Variants in SHTN1 observed in about 807,000 individuals in gnomAD.
SHTN1 encodes shootin 1, also known as shootin-1.
SHTN1 carries 42 observed loss-of-function variants against 83.1 expected under a neutral mutation model. The ratio of observed to expected loss-of-function variants is 0.51; its 90% CI spans 0.39 to 0.65. SHTN1 has a LOEUF of 0.65. SHTN1 is among the 30% of genes least tolerant of loss of function. The pLI is 0.00. For synonymous variants in SHTN1, 224 were observed against 247.7 expected (o/e 0.90, Z 0.90); for missense variants, 622 against 737.8 (o/e 0.84, Z 1.82).
upstream of SHTN1, among the ~76,000 whole-genome samples, chr10:117,006,932 GCTTTCT>G (rs1852025475): frequency 6.6e-6 from 1 of 151,934 alleles, no homozygotes; most frequent in South Asian, 2.1e-4. Context: ...TGGTAGCACT[GCTTTCT>G]CTTTCTCTAA....
In SHTN1 at chr10:116,881,570, G is replaced by C. The variant is rs1354406975; in HGVS notation, c.*4774C>G. The C allele has an allele frequency of 7.1e-6, 11 of 1,550,124 alleles. No individual in the cohort carries two copies. The highest frequency in any genetic ancestry group is 9.6e-6 in the Non-Finnish European group (11 of 1,146,874). ...TTAATGAGGAAGCTGAAAAGGCTGC[G>C]GAGGCACTTGAGGCTGCTGCGGCTA... On this transcript the variant is annotated 3_prime_UTR_variant, in exon 17 of 17. Coordinates refer to ENST00000355371, the MANE Select transcript of SHTN1 (RefSeq NM_001127211.3).
chr10:116,930,271 C>A (rs1226219253), intron 9 of SHTN1, among the ~76,000 whole-genome samples: 1 of 152,060 alleles, frequency 6.6e-6, no homozygotes, highest in Non-Finnish European at 1.5e-5. Context: ...GGTACATGTG[C>A]ATGGTTGTTA....
chr10:117,118,725 G>T, intron 1 of SHTN1, among the ~76,000 whole-genome samples: 1 of 152,154 alleles, frequency 6.6e-6, no homozygotes, highest in East Asian at 1.9e-4. Context: ...GGAGCTGAAT[G>T]ATGAGAACAC....
chr10:116,992,403 T>C (rs1157370029), intron 1 of SHTN1, among the ~76,000 whole-genome samples: 3 of 152,196 alleles, frequency 2.0e-5, no homozygotes, highest in African/African-American at 7.2e-5. Flanking sequence ...CTAAAAGCAA[T>C]TCAAAGCCCA....
At chr10:116,985,986 T>C (rs1157991006) in intron 1 of SHTN1, among the ~76,000 whole-genome samples, 2 of 152,218 alleles carry the variant, frequency 1.3e-5, no homozygotes, top group Non-Finnish European at 2.9e-5. Flanking sequence ...ACAGATTTCA[T>C]ATCCTGAAAA....
At chr10:116,936,098 A>T (rs1475578778) in intron 9 of SHTN1, among the ~76,000 whole-genome samples, 1 of 151,778 alleles carries the variant, frequency 6.6e-6, no homozygotes, top group Non-Finnish European at 1.5e-5. Flanking sequence ...CTATTTTGTT[A>T]ATCTTTTCAA....
At chr10:116,983,684 ATAAATACATACATAC>A (rs1851123513) in intron 1 of SHTN1, among the ~76,000 whole-genome samples, 91 of 83,382 alleles carry the variant, frequency 1.1e-3, no homozygotes, top group South Asian at 3.4e-3. Flanking sequence ...AGATAGATAG[ATAAATACATACATAC>A]ATACATACAT....
At position 116,940,592 on chromosome 10, in the gene SHTN1, C is replaced by T; in HGVS notation, c.732G>A (p.Lys244=). Residue 244 remains lysine, a synonymous_variant, in exon 9 of 17, where the codon AAG becomes AAA. Coordinates refer to ENST00000355371, the MANE Select transcript of SHTN1 (RefSeq NM_001127211.3). ...GCAGAAGGTGGCTTTGTCTCTTTAG[C>T]TTGTTTTGCTCAATGAACATCTGCA... The part of the protein sequence containing the change: ...FAQEMFIEQN[K]LKRQSHLLLQ... 1 of 1,608,850 alleles carries T rather than the reference C, an allele frequency of 6.2e-7. No individual in the cohort carries two copies. Among genetic ancestry groups the T allele is most frequent in the Middle Eastern group, 1.7e-4 (1 of 6,032 alleles).
At chr10:116,956,666 C>A (rs1219189530) in intron 4 of SHTN1, among the ~76,000 whole-genome samples, 1 of 152,132 alleles carries the variant, frequency 6.6e-6, no homozygotes, top group Non-Finnish European at 1.5e-5. Context: ...TAATATATTA[C>A]TTCTTAGACA....
intron 1 of SHTN1, among the ~76,000 whole-genome samples, chr10:117,083,751 C>T (rs1853307139): frequency 6.6e-6 from 1 of 151,722 alleles, no homozygotes; most frequent in South Asian, 2.1e-4. Flanking sequence ...ATTCTTTTTT[C>T]TCTAAACTTT....
intron 2 of SHTN1, among the ~76,000 whole-genome samples, chr10:116,975,647 TAA>T (rs548784731): frequency 1.5e-5 from 2 of 135,924 alleles, no homozygotes; most frequent in African/African-American, 2.7e-5. Flanking sequence ...AAGTCACTGA[TAA>T]AAAAAAAAAA....
In SHTN1 at chr10:116,884,396, TGAGA is replaced by T; in HGVS notation, c.*1944_*1947del. On this transcript the variant is annotated 3_prime_UTR_variant, in exon 17 of 17. Coordinates refer to ENST00000355371, the MANE Select transcript of SHTN1 (RefSeq NM_001127211.3). Reference sequence around the variant, plus strand: ...AATTTAAAATGCTTTGTAATCACAGTGAGAGAAAGTAAGCAGCTTAAAAAAGGCA... The same window carrying T: ...AATTTAAAATGCTTTGTAATCACAGTGAAAGTAAGCAGCTTAAAAAAGGCA... 1 of 391,508 alleles carries T rather than the reference TGAGA, an allele frequency of 2.6e-6. No homozygotes were observed. Among genetic ancestry groups the T allele is most frequent in the Non-Finnish European group, 5.2e-6 (1 of 191,118 alleles). 24.3% of individuals were successfully genotyped at this position (391,508 alleles called of 1,614,324 possible).
intron 1 of SHTN1, among the ~76,000 whole-genome samples, chr10:117,101,321 T>A (rs904793771): frequency 6.6e-6 from 1 of 152,130 alleles, no homozygotes; most frequent in Non-Finnish European, 1.5e-5. Flanking sequence ...GGACCAATAA[T>A]CTAGTGTGAA....
chr10:117,026,145 G>A (rs1852329818), intron 2 of SHTN1, among the ~76,000 whole-genome samples: 1 of 152,060 alleles, frequency 6.6e-6, no homozygotes, highest in African/African-American at 2.4e-5. Context: ...TTGGCTCTTA[G>A]ATGGCATTAC....
intron 1 of SHTN1, among the ~76,000 whole-genome samples, chr10:117,068,889 C>A (rs142931194): frequency 6.6e-6 from 1 of 152,066 alleles, no homozygotes; most frequent in African/African-American, 2.4e-5. Flanking sequence ...CCATTATTTC[C>A]GCTTTTGTTT....
intron 2 of SHTN1, among the ~76,000 whole-genome samples, chr10:117,036,665 G>C (rs1021079124): frequency 6.6e-6 from 1 of 152,248 alleles, no homozygotes; most frequent in African/African-American, 2.4e-5. Context: ...AATAAGGATA[G>C]TTAATGGGTA....
intron 1 of SHTN1, among the ~76,000 whole-genome samples, chr10:117,121,202 T>A (rs1853921173): frequency 6.6e-6 from 1 of 152,236 alleles, no homozygotes; most frequent in Admixed American, 6.5e-5. Flanking sequence ...AAAGATATTA[T>A]GAAGATCAAA....
At chr10:117,035,624 T>C (rs148896890) in intron 2 of SHTN1, among the ~76,000 whole-genome samples, 3,108 of 151,892 alleles carry the variant, frequency 0.02, 115 homozygotes, top group African/African-American at 0.071. Flanking sequence ...CAAACAACTC[T>C]ATAGGAAAAA....
chr10:117,065,927 G>C (rs1852994029), intron 1 of SHTN1, among the ~76,000 whole-genome samples: 1 of 147,638 alleles, frequency 6.8e-6, no homozygotes, highest in Non-Finnish European at 1.5e-5. Flanking sequence ...AATTAGGCTG[G>C]GCATGGTGAC....
Sources: allele counts gnomAD v4.1 joint callset (sites outside exome capture counted in the v4.1 genomes callset), GRCh38; gene constraint gnomAD v4.1.1; transcripts MANE v1.5; gene names NCBI Gene and HGNC (gene_info 2026-07-23, HGNC 2026-07-21).